The following GALNTL6 variants were observed in gnomAD, a reference collection of about 807,000 sequenced individuals.
GALNTL6 encodes polypeptide N-acetylgalactosaminyltransferase-like 6.
Under a neutral mutation model 73.7 loss-of-function variants are expected in GALNTL6, and 46 were observed. The ratio of observed to expected loss-of-function variants is 0.62; its 90% CI spans 0.49 to 0.80. The LOEUF (loss-of-function observed/expected upper bound fraction) is 0.80, where lower values mean the gene tolerates loss of function less well. GALNTL6 is among the 30% of genes least tolerant of loss of function. The pLI, the probability that GALNTL6 is intolerant of heterozygous loss-of-function variation, is 0.00. For synonymous variants in GALNTL6, 259 were observed against 263.7 expected (o/e 0.98, Z 0.17); for missense variants, 604 against 755.0 (o/e 0.80, Z 2.34).
intron 5 of GALNTL6, among the ~76,000 whole-genome samples, chr4:172,626,957 T>C (rs1739194174): frequency 6.6e-6 from 1 of 152,130 alleles, no homozygotes; most frequent in Non-Finnish European, 1.5e-5. Flanking sequence ...ACAACTTGAT[T>C]TCTTCTTTTC....
chr4:172,396,728 T>C (rs1743862894), intron 5 of GALNTL6, among the ~76,000 whole-genome samples: 1 of 152,112 alleles, frequency 6.6e-6, no homozygotes, highest in Admixed American at 6.6e-5. Flanking sequence ...GGGCTTGTGT[T>C]AAAAAAATAG....
intron 5 of GALNTL6, among the ~76,000 whole-genome samples, chr4:172,382,989 T>C (rs1579018761): frequency 1.3e-5 from 2 of 152,286 alleles, no homozygotes; most frequent in South Asian, 4.1e-4. Context: ...TCAATTCTAT[T>C]TATTTGTCTG....
chr4:172,597,204 C>T (rs1737888289), intron 5 of GALNTL6, among the ~76,000 whole-genome samples: 1 of 152,092 alleles, frequency 6.6e-6, no homozygotes, highest in Non-Finnish European at 1.5e-5. Context: ...GGATTTGCTA[C>T]CCAGGGGACA....
chr4:172,889,627 C>T (rs539323319), intron 8 of GALNTL6, among the ~76,000 whole-genome samples: 2 of 152,152 alleles, frequency 1.3e-5, no homozygotes, highest in African/African-American at 4.8e-5. Flanking sequence ...GGTGAATTAG[C>T]GTTTTGATGT....
Position 172,952,276 on chromosome 4 carries a change from G to A in GALNTL6, c.1371+18G>A. 1 of 1,590,450 alleles carries A rather than the reference G, an allele frequency of 6.3e-7. No individual in the cohort carries two copies. Among genetic ancestry groups the A allele is most frequent in the Non-Finnish European group, 8.6e-7 (1 of 1,159,668 alleles). ...GGGGGGAGGTGAGGAAAGGTTGCCT[G>A]AAACCTGCGCCTACCTATGAGACTG... On this transcript the variant is annotated intron_variant, in intron 10 of 12. Transcript: ENST00000506823.
At chr4:172,088,659 C>T (rs779223046) in intron 2 of GALNTL6, among the ~76,000 whole-genome samples, 1 of 152,138 alleles carries the variant, frequency 6.6e-6, no homozygotes, top group Admixed American at 6.6e-5. Context: ...TTTCAATCTC[C>T]TCCTCTGGAA....
At chr4:171,928,280 C>A (rs1738056708) in intron 2 of GALNTL6, among the ~76,000 whole-genome samples, 1 of 152,046 alleles carries the variant, frequency 6.6e-6, no homozygotes, top group Non-Finnish European at 1.5e-5. Flanking sequence ...ACTATTATTA[C>A]TATTTCTTCT....
At chr4:172,733,429 G>A (rs760331847) in intron 5 of GALNTL6, among the ~76,000 whole-genome samples, 21 of 151,778 alleles carry the variant, frequency 1.4e-4, no homozygotes, top group Admixed American at 2.0e-4. Context: ...TGTCCCTGCC[G>A]AAATCTCGTC....
At chr4:172,494,217 G>C (rs969436458) in intron 5 of GALNTL6, among the ~76,000 whole-genome samples, 6 of 152,114 alleles carry the variant, frequency 3.9e-5, no homozygotes, top group Admixed American at 3.9e-4. Flanking sequence ...TGAAATAAGA[G>C]CTCTTTAAGA....
intron 2 of GALNTL6, among the ~76,000 whole-genome samples, chr4:172,087,444 CAAAAAAAAA>C (rs70941381): frequency 5.0e-5 from 5 of 100,572 alleles, no homozygotes; most frequent in African/African-American, 1.3e-4. Flanking sequence ...GACTCCATCC[CAAAAAAAAA>C]AAAAACAAAA....
intron 2 of GALNTL6, among the ~76,000 whole-genome samples, chr4:172,131,795 A>G (rs1733506469): frequency 6.6e-6 from 1 of 151,816 alleles, no homozygotes; most frequent in African/African-American, 2.4e-5. Context: ...CAGGGCACTG[A>G]CTTACTACAC....
At chr4:172,053,608 A>G (rs1730940338) in intron 2 of GALNTL6, among the ~76,000 whole-genome samples, 1 of 152,172 alleles carries the variant, frequency 6.6e-6, no homozygotes, top group Non-Finnish European at 1.5e-5. Context: ...CTACAAGCGA[A>G]CTTAGTGCAT....
chr4:173,033,210 C>CTTTT, intron 12 of GALNTL6, among the ~76,000 whole-genome samples: 2 of 151,948 alleles, frequency 1.3e-5, no homozygotes, highest in East Asian at 3.9e-4. Flanking sequence ...CTATGTTGGC[C>CTTTT]AGTCTGGTCT....
chr4:172,434,635 TCAG>T (rs1012789304), intron 5 of GALNTL6, among the ~76,000 whole-genome samples: 3 of 152,208 alleles, frequency 2.0e-5, no homozygotes, highest in Admixed American at 2.0e-4. Flanking sequence ...CCTTCCTGTT[TCAG>T]CAGACACCTA....
chr4:172,123,823 T>C (rs1316691915), intron 2 of GALNTL6, among the ~76,000 whole-genome samples: 1 of 152,200 alleles, frequency 6.6e-6, no homozygotes, highest in Non-Finnish European at 1.5e-5. Context: ...TCTTCATCAG[T>C]TAATTAATCT....
At chr4:172,872,992 C>G (rs1324464608) in intron 7 of GALNTL6, among the ~76,000 whole-genome samples, 4 of 152,224 alleles carry the variant, frequency 2.6e-5, no homozygotes, top group South Asian at 4.1e-4. Context: ...AACTCACCCT[C>G]TCTATGCCAT....
chr4:172,952,503 GTTTGTTTTTGTT>G (rs896956307), intron 10 of GALNTL6, among the ~76,000 whole-genome samples: 1 of 150,974 alleles, frequency 6.6e-6, no homozygotes. Flanking sequence ...ATTTTTGTTT[GTTTGTTTTTGTT>G]TTTGTTTTTG....
chr4:172,952,077 C>T lies in GALNTL6; in HGVS notation c.1190C>T (p.Ala397Val), dbSNP rs774299083. 6 of 1,614,026 alleles carry T rather than the reference C, an allele frequency of 3.7e-6. No individual in the cohort carries two copies. The highest frequency in any genetic ancestry group is 1.7e-5 in the Admixed American group (1 of 60,016). The change falls in exon 10 of 13, where the codon GCC (alanine) becomes GTC (valine). Residue 397 changes from alanine to valine, a missense_variant. By Grantham distance (64) the Ala-to-Val change is moderately conservative. Transcript: ENST00000506823. The stretch of plus-strand genomic sequence containing the variant: ...GCTGAGACCTGGATGGATGAATTTG[C>T]CGAGTACATTTACCAGCGGCGGCCG... ...RVAETWMDEFAEYIYQRRPEY... is the reference protein window; with the variant it reads ...RVAETWMDEFVEYIYQRRPEY...
intron 3 of GALNTL6, among the ~76,000 whole-genome samples, chr4:172,287,267 C>T (rs773252834): frequency 9.8e-5 from 15 of 152,304 alleles, no homozygotes; most frequent in Admixed American, 5.9e-4. Context: ...CAATCCAACA[C>T]TCTGCCTCAG....
Sources: gnomAD v4.1 joint callset for allele counts (sites outside exome capture counted in the v4.1 genomes callset) on GRCh38, gnomAD v4.1.1 for gene constraint, MANE v1.5 for transcripts, NCBI Gene and HGNC (gene_info 2026-07-23, HGNC 2026-07-21) for gene names.